HBP1: variants seen among roughly 807,000 people sequenced by gnomAD.
HBP1 encodes HMG box-containing protein 1.
Under a neutral mutation model 62.6 loss-of-function variants are expected in HBP1, and 20 were observed. The ratio of observed to expected loss-of-function variants is 0.32; its 90% CI spans 0.22 to 0.46. The LOEUF (loss-of-function observed/expected upper bound fraction) is 0.46. Among genes scored for constraint, HBP1 ranks in the 20% least tolerant of loss-of-function variants. The pLI is 1.00. For synonymous variants in HBP1, 232 were observed against 206.2 expected (o/e 1.12, Z -1.07); for missense variants, 480 against 611.8 (o/e 0.78, Z 2.27).
chr7:107,182,636 C>G (rs1053274131), intron 3 of HBP1, 35 bp downstream of exon 3: 14 of 1,116,100 alleles, frequency 1.3e-5, no homozygotes, highest in Middle Eastern at 3.9e-4. Flanking sequence ...TTGAAACATT[C>G]TATCATTACA....
Position 107,201,496 on chromosome 7 carries a change from A to G in HBP1, c.*65A>G. The G allele has an allele frequency of 9.9e-7, 1 of 1,013,614 alleles. No individual in the cohort carries two copies. Among genetic ancestry groups the G allele is most frequent in the Non-Finnish European group, 1.6e-6 (1 of 644,468 alleles). The allele number at this position is 1,013,614 out of a possible 1,614,324, so 62.8% of individuals were successfully genotyped here. ...CATTGACTCTTGATGGAAAGACTTA[A>G]GAAGATCAAGGTCTCACCATTTGTC... On this transcript the variant is annotated 3_prime_UTR_variant, in exon 11 of 11. Coordinates refer to ENST00000222574, the MANE Select transcript of HBP1 (RefSeq NM_012257.4).
Position 107,179,763 on chromosome 7 carries a change from C to T in HBP1, c.-15-116C>T, listed in dbSNP as rs1166279811. 4 of 599,810 alleles carry T rather than the reference C, an allele frequency of 6.7e-6. No individual in the cohort carries two copies. The East Asian group carries it at 1.1e-4, about 17-fold the overall frequency. The allele number at this position is 599,810 out of a possible 1,614,324, so 37.2% of individuals were successfully genotyped here. ...CTGCAGTCTGGGTGACAGAGTGTGACTATGTCTCAAAAAAAAAACAAAACA... is the reference window on the plus strand; with the variant it reads ...CTGCAGTCTGGGTGACAGAGTGTGATTATGTCTCAAAAAAAAAACAAAACA... On this transcript the variant is annotated intron_variant, in intron 1 of 10. Transcript: ENST00000222574.
At chr7:107,175,950 T>G (rs943670557) in intron 1 of HBP1, among the ~76,000 whole-genome samples, 1 of 151,982 alleles carries the variant, frequency 6.6e-6, no homozygotes, top group African/African-American at 2.4e-5. Flanking sequence ...TCCCCAGACC[T>G]CGTGATCTGC....
chr7:107,182,522 G>A lies in HBP1; in HGVS notation c.319G>A (p.Glu107Lys). ...ACCAGAAACTACTTACCGTGAAAATGAGGTGGACTGGCTAACAGAATTGGC... is the reference window on the plus strand; with the variant it reads ...ACCAGAAACTACTTACCGTGAAAATAAGGTGGACTGGCTAACAGAATTGGC... ...DIPETTYREN[E>K]VDWLTELANI... is the part of the protein sequence containing the mutation. The change falls in exon 3 of 11, where the codon GAG becomes AAG. Residue 107 changes from glutamate (E) to lysine (K), a missense_variant. Coordinates refer to ENST00000222574, the MANE Select transcript of HBP1 (RefSeq NM_012257.4). 1.2e-6 allele frequency: 2 copies of A among 1,613,722 alleles called. No homozygotes were observed. Among genetic ancestry groups the A allele is most frequent in the Non-Finnish European group, 1.7e-6 (2 of 1,179,662 alleles).
At chr7:107,197,270 T>G (rs1423674964) in intron 9 of HBP1, 1 of 152,248 alleles carries the variant, frequency 6.6e-6, no homozygotes, top group Non-Finnish European at 1.5e-5. Context: ...TATCTTGATA[T>G]CATGAGAAAA....
chr7:107,195,447 A>G (rs1389492862), intron 8 of HBP1, among the ~76,000 whole-genome samples: 1 of 152,246 alleles, frequency 6.6e-6, no homozygotes, highest in East Asian at 1.9e-4. Flanking sequence ...CTGGGTGCCT[A>G]TAGGCCAAGA....
rs779421931 is a variant in HBP1, at chr7:107,196,027, C to T, written c.1261C>T (p.His421Tyr). ...NSLYAKAVKNHSSGTVSATSP... is the reference protein window; with the variant it reads ...NSLYAKAVKNYSSGTVSATSP... Reference sequence around the variant, plus strand: ...TTTGTATGCTAAAGCTGTCAAAAACCACAGCTCAGGGACTGTGAGTGCCAC... The same window carrying T: ...TTTGTATGCTAAAGCTGTCAAAAACTACAGCTCAGGGACTGTGAGTGCCAC... Residue 421 changes from histidine (H) to tyrosine (Y), a missense_variant, in exon 9 of 11, where the codon CAC becomes TAC. Coordinates refer to ENST00000222574, the MANE Select transcript of HBP1 (RefSeq NM_012257.4). 6 of 1,613,724 alleles carry T rather than the reference C, an allele frequency of 3.7e-6. No homozygotes were observed. In the Admixed American group the frequency reaches 1.0e-4, roughly 27 times the overall value.
At position 107,186,399 on chromosome 7, in the gene HBP1, C is replaced by G. The variant is rs759359565; in HGVS notation, c.579C>G (p.Ser193=). ...SESESGIFCM[S]SLSDDDDLGW... is the part of the protein sequence containing the mutation. The stretch of plus-strand genomic sequence containing the variant: ...CAGAATCTGGCATTTTCTGCATGTC[C>G]TCCCTGTCAGATGATGATGATTTGG... The change falls in exon 5 of 11, where the codon TCC becomes TCG. Residue 193 remains serine, a synonymous_variant. Coordinates refer to ENST00000222574, the MANE Select transcript of HBP1 (RefSeq NM_012257.4). 6.2e-6 allele frequency: 10 copies of G among 1,612,498 alleles called. No homozygotes were observed.
intron 1 of HBP1, among the ~76,000 whole-genome samples, chr7:107,177,745 A>G (rs1022391649): frequency 6.6e-6 from 1 of 152,240 alleles, no homozygotes; most frequent in South Asian, 2.1e-4. Context: ...GAAAAACATG[A>G]TTGAGTATAT....
intron 6 of HBP1, among the ~76,000 whole-genome samples, chr7:107,188,057 GT>G (rs993119527): frequency 6.6e-6 from 1 of 152,162 alleles, no homozygotes; most frequent in Non-Finnish European, 1.5e-5. Context: ...TAGGCAGATT[GT>G]TAACCCCTCT....
At chr7:107,194,895 C>A (rs1300492499) in intron 8 of HBP1, among the ~76,000 whole-genome samples, 1 of 152,174 alleles carries the variant, frequency 6.6e-6, no homozygotes, top group East Asian at 1.9e-4. Flanking sequence ...TGTGGCCTTT[C>A]CTGACAAAGG....
chr7:107,169,656 A>T (rs1036917533), intron 1 of HBP1: 1 of 760,328 alleles, frequency 1.3e-6, no homozygotes, highest in Non-Finnish European at 1.6e-6. Flanking sequence ...TTCTGGACTG[A>T]GGGGGATTCT....
chr7:107,169,090 G>T lies in HBP1; in HGVS notation c.-111G>T, dbSNP rs941296758. 1.2e-4 allele frequency: 152 copies of T among 1,285,852 alleles called. 2 individuals carry two copies. The highest frequency in any genetic ancestry group is 3.7e-4 in the Admixed American group (16 of 43,190). The allele number at this position is 1,285,852 out of a possible 1,614,324, so 79.7% of individuals were successfully genotyped here. A position where few individuals can be genotyped will look rare whatever the true frequency, so the allele number is the denominator to read the frequency against. ...CGCGGGAGCAGTAACCCGCGCGGGG[G>T]AGGCCGACGTCGGTCGGAGAGGGGG... On this transcript the variant is annotated 5_prime_UTR_variant, in exon 1 of 11. Transcript: ENST00000222574.
At chr7:107,169,721 G>C in intron 1 of HBP1, 1 of 985,502 alleles carries the variant, frequency 1.0e-6, no homozygotes, top group South Asian at 4.7e-5. Context: ...TTGTTACGCA[G>C]TTCGAATGAA....
intron 1 of HBP1, among the ~76,000 whole-genome samples, chr7:107,175,777 C>G (rs904336576): frequency 6.8e-6 from 1 of 147,942 alleles, no homozygotes; most frequent in South Asian, 2.1e-4. Flanking sequence ...AATGCAGTGG[C>G]GCAATCCCAG....
chr7:107,199,374 G>A (rs560316943), intron 9 of HBP1, among the ~76,000 whole-genome samples: 8 of 152,268 alleles, frequency 5.3e-5, no homozygotes, highest in African/African-American at 1.2e-4. Context: ...GAGTCACAAC[G>A]TCCAGCCCAA....
chr7:107,182,611 TTTA>T lies in HBP1; in HGVS notation c.398+15_398+17del, dbSNP rs767741537. 7.2e-7 allele frequency: 1 copy of T among 1,387,624 alleles called. No homozygotes were observed. Among genetic ancestry groups the T allele is most frequent in the Non-Finnish European group, 1.0e-6 (1 of 982,748 alleles). 86.0% of individuals were successfully genotyped at this position (1,387,624 alleles called of 1,614,324 possible). A position where few individuals can be genotyped will look rare whatever the true frequency, so the allele number is the denominator to read the frequency against. On this transcript the variant is annotated intron_variant, in intron 3 of 10. Transcript: ENST00000222574. The stretch of plus-strand genomic sequence containing the variant: ...GCTCATTTTACAATAGGTAGGAGCA[TTTA>T]TTATATTTTTATTGAAACATTCTAT...
chr7:107,200,164 A>G lies in HBP1; in HGVS notation c.1390A>G (p.Ile464Val), dbSNP rs748352299. The change falls in exon 10 of 11, where the codon ATA becomes GTA. Residue 464 changes from isoleucine to valine, a missense_variant. Around this residue, in one of 4 missense-constraint regions of HBP1, gnomAD observed 52 missense variants for 96.0 expected, o/e 0.54. Coordinates refer to ENST00000222574, the MANE Select transcript of HBP1 (RefSeq NM_012257.4). ...QMYPGKDNRA[I>V]SVILGDRWKK... ...GTGTAAATATTTATTTTACAGAGCC[A>G]TAAGTGTGATCCTTGGTGACAGGTG... is the stretch of plus-strand genomic sequence containing the variant. The G allele has an allele frequency of 3.7e-6, 6 of 1,601,498 alleles. No individual in the cohort carries two copies. Among genetic ancestry groups the G allele is most frequent in the Non-Finnish European group, 2.6e-6 (3 of 1,174,126 alleles).
chr7:107,184,579 C>T (rs560560171), intron 3 of HBP1, among the ~76,000 whole-genome samples: 1 of 152,226 alleles, frequency 6.6e-6, no homozygotes, highest in Non-Finnish European at 1.5e-5. Flanking sequence ...GGTGCAATCT[C>T]GGCTCACTGC....
Sources: gnomAD v4.1 joint callset for allele counts (sites outside exome capture counted in the v4.1 genomes callset) on GRCh38, gnomAD v4.1.1 for gene constraint, gnomAD v4.1.1 regional missense constraint, MANE v1.5 for transcripts, NCBI Gene and HGNC (gene_info 2026-07-23, HGNC 2026-07-21) for gene names.